Variants in TMEM63C observed in about 807,000 individuals in gnomAD.
The protein encoded by TMEM63C is transmembrane protein 63C.
TMEM63C carries 32 observed loss-of-function variants against 99.2 expected under a neutral mutation model. The ratio of observed to expected loss-of-function variants is 0.32; its 90% CI spans 0.24 to 0.43. The LOEUF (loss-of-function observed/expected upper bound fraction) is 0.43. Among genes scored for constraint, TMEM63C ranks in the 20% least tolerant of loss-of-function variants. The pLI is 1.00. For synonymous variants in TMEM63C, 376 were observed against 397.9 expected (o/e 0.94, Z 0.66); for missense variants, 826 against 1,053.0 (o/e 0.78, Z 2.98).
At chr14:77,214,457 C>A (rs1888547005) in intron 2 of TMEM63C, among the ~76,000 whole-genome samples, 1 of 151,990 alleles carries the variant, frequency 6.6e-6, no homozygotes, top group Admixed American at 6.5e-5. Context: ...CCCTTTCCAC[C>A]CTCTCAGAGG....
Position 77,257,039 on chromosome 14 carries a change from G to C in TMEM63C, c.*313G>C. 3.2e-6 allele frequency: 1 copy of C among 317,196 alleles called. No individual in the cohort carries two copies. Among genetic ancestry groups the C allele is most frequent in the Non-Finnish European group, 5.9e-6 (1 of 169,828 alleles). The allele number at this position is 317,196 out of a possible 1,614,324, so 19.6% of individuals were successfully genotyped here. A position where few individuals can be genotyped will look rare whatever the true frequency, so the allele number is the denominator to read the frequency against. On this transcript the variant is annotated 3_prime_UTR_variant, in exon 24 of 24. Coordinates refer to ENST00000298351, the MANE Select transcript of TMEM63C (RefSeq NM_020431.4). ...CGCTGGGGTCCCTTCCTGGGACCAA[G>C]ATGGAGAAGGTGTTCCTAAGGGAGG... is the stretch of plus-strand genomic sequence containing the variant.
At position 77,236,610 on chromosome 14, in the gene TMEM63C, C is replaced by T. The variant is rs1337097234; in HGVS notation, c.543-14C>T. 6.3e-7 allele frequency: 1 copy of T among 1,593,204 alleles called. No homozygotes were observed. The highest frequency in any genetic ancestry group is 8.6e-7 in the Non-Finnish European group (1 of 1,162,562). ...CACAGGCTGACCTCACTGCTGCTGC[C>T]TCCCTCCCTGCAGGAGCAAGCTCCT... On this transcript the variant is annotated splice_polypyrimidine_tract_variant and intron_variant, in intron 8 of 23. Transcript: ENST00000298351.
In TMEM63C at chr14:77,242,391, A is replaced by G. The variant is rs1320751777; in HGVS notation, c.1109A>G (p.Gln370Arg). ...TATGTCCAGTGTGGTGTGCAACCCC[A>G]GCAGTCCTCAGTGACCACCATCGTC... is the stretch of plus-strand genomic sequence containing the variant. ...YKYVQCGVQP[Q>R]QSSVTTIVKS... Residue 370 changes from glutamine (Q) to arginine (R), a missense_variant, in exon 14 of 24, where the codon CAG becomes CGG. Gln to Arg is a conservative substitution (Grantham distance 43). Transcript: ENST00000298351. 5 of 1,611,090 alleles carry G rather than the reference A, an allele frequency of 3.1e-6. No homozygotes were observed. The African/African-American group carries it at 5.4e-5, about 17-fold the overall frequency.
intron 1 of TMEM63C, among the ~76,000 whole-genome samples, chr14:77,183,988 C>T (rs895006723): frequency 6.6e-6 from 1 of 152,318 alleles, no homozygotes; most frequent in African/African-American, 2.4e-5. Context: ...AGAGCTGGAC[C>T]GAGTGCCTCT....
At chr14:77,239,785 G>GCTCTGTGC (rs1459605124) in intron 12 of TMEM63C, 59 bp downstream of exon 12, 1 of 1,588,946 alleles carries the variant, frequency 6.3e-7, no homozygotes, top group African/African-American at 1.3e-5. Context: ...GGGGCTCTAG[G>GCTCTGTGC]CTCTGTGCCT....
intron 1 of TMEM63C, among the ~76,000 whole-genome samples, chr14:77,199,815 T>C (rs1024069639): frequency 2.0e-5 from 3 of 152,202 alleles, no homozygotes; most frequent in Non-Finnish European, 4.4e-5. Context: ...ATTGTGTCCC[T>C]GCTCAAAGGC....
At chr14:77,229,400 C>A (rs989212611) in intron 6 of TMEM63C, among the ~76,000 whole-genome samples, 2 of 151,818 alleles carry the variant, frequency 1.3e-5, no homozygotes, top group African/African-American at 2.4e-5. Context: ...TGTCTCAAAA[C>A]AAACAAACAA....
chr14:77,225,605 G>C (rs1334267885), intron 6 of TMEM63C, 144 bp downstream of exon 6: 16 of 762,016 alleles, frequency 2.1e-5, no homozygotes, highest in Non-Finnish European at 3.1e-5. Context: ...CATTACCAGT[G>C]AAGGATGCTT....
chr14:77,238,541 G>T (rs1323732727), intron 9 of TMEM63C, among the ~76,000 whole-genome samples, 153 bp from the exon 10 acceptor site: 1 of 152,256 alleles, frequency 6.6e-6, no homozygotes, highest in East Asian at 1.9e-4. Context: ...TCCCAGCTTG[G>T]CTCTGGCTTT....
chr14:77,183,855 C>A (rs966072916), intron 1 of TMEM63C, among the ~76,000 whole-genome samples: 1 of 152,142 alleles, frequency 6.6e-6, no homozygotes, highest in African/African-American at 2.4e-5. Flanking sequence ...GACAATATAG[C>A]ACCAGAGAGG....
At chr14:77,256,144 T>C (rs1284818936) in intron 23 of TMEM63C, among the ~76,000 whole-genome samples, 2 of 152,240 alleles carry the variant, frequency 1.3e-5, no homozygotes, top group East Asian at 3.8e-4. Context: ...CTGAATGTGC[T>C]GCTGAAGCTG....
At position 77,253,290 on chromosome 14, in the gene TMEM63C, C is replaced by A. The variant is rs1482690960; in HGVS notation, c.2149-15C>A. 6.2e-7 allele frequency: 1 copy of A among 1,611,282 alleles called. No individual in the cohort carries two copies. The highest frequency in any genetic ancestry group is 1.1e-5 in the South Asian group (1 of 90,142). The stretch of plus-strand genomic sequence containing the variant: ...GAGCAGGCCTCCTGTAACCCACCAC[C>A]TCTCCCTGCTGCAGCCCGAGGAGGA... On this transcript the variant is annotated splice_polypyrimidine_tract_variant and intron_variant, in intron 22 of 23. Transcript: ENST00000298351.
intron 9 of TMEM63C, among the ~76,000 whole-genome samples, chr14:77,237,691 G>A (rs1419219642): frequency 6.6e-6 from 1 of 152,252 alleles, no homozygotes; most frequent in Admixed American, 6.5e-5. Context: ...CATGCCCCAA[G>A]GCCGGGAAAG....
chr14:77,231,100 ACT>A (rs1461911793), intron 6 of TMEM63C, among the ~76,000 whole-genome samples: 5 of 152,038 alleles, frequency 3.3e-5, no homozygotes, highest in African/African-American at 1.2e-4. Flanking sequence ...AGCGCCCCAC[ACT>A]CTCACCAGCA....
chr14:77,192,382 G>C (rs568337559), intron 1 of TMEM63C, among the ~76,000 whole-genome samples: 1 of 152,078 alleles, frequency 6.6e-6, no homozygotes, highest in African/African-American at 2.4e-5. Context: ...TTTGAACCAA[G>C]CACTTCACTC....
intron 1 of TMEM63C, among the ~76,000 whole-genome samples, chr14:77,188,323 T>TGAAC (rs1888038259): frequency 6.6e-6 from 1 of 152,160 alleles, no homozygotes; most frequent in South Asian, 2.1e-4. Context: ...CCTCCAGTAG[T>TGAAC]TCATGGGGAA....
intron 23 of TMEM63C, 70 bp from the exon 24 acceptor site, chr14:77,256,456 G>A (rs1425886617): frequency 2.0e-6 from 3 of 1,486,210 alleles, no homozygotes; most frequent in Admixed American, 3.4e-5. Flanking sequence ...GGGCATGAGG[G>A]GAGAGGGTGT....
intron 8 of TMEM63C, among the ~76,000 whole-genome samples, chr14:77,234,892 T>C (rs1270249783): frequency 6.6e-6 from 1 of 152,126 alleles, no homozygotes; most frequent in East Asian, 1.9e-4. Flanking sequence ...TGTGCAACCA[T>C]GGGGGCCTGA....
In TMEM63C at chr14:77,194,493, T is replaced by TTTTCTTTTTCTTTC. The variant is rs1555346130; in HGVS notation, c.-77+12606_-77+12607insTTCTTTCTTTCTTT. Among the ~76,000 whole-genome samples, 92 of 48,676 alleles carry TTTTCTTTTTCTTTC rather than the reference T, an allele frequency of 1.9e-3. 7 individuals are homozygous for TTTTCTTTTTCTTTC. Among genetic ancestry groups the TTTTCTTTTTCTTTC allele is most frequent in the East Asian group, 6.5e-3 (5 of 772 alleles). 31.9% of individuals were successfully genotyped at this position (48,676 alleles called of 152,430 possible). ...CAGGGACATCCATGCCATATTTCTT[T>TTTTCTTTTTCTTTC]TTTCTTTCTTTCTTTCTTTCTTTCT... On this transcript the variant is annotated intron_variant, in intron 1 of 23. Coordinates refer to ENST00000298351, the MANE Select transcript of TMEM63C (RefSeq NM_020431.4).
Sources: allele counts gnomAD v4.1 joint callset (sites outside exome capture counted in the v4.1 genomes callset), GRCh38; gene constraint gnomAD v4.1.1; transcripts MANE v1.5; gene names NCBI Gene and HGNC (gene_info 2026-07-23, HGNC 2026-07-21).